KCTD16: variants seen among roughly 807,000 people sequenced by gnomAD.
The protein encoded by KCTD16 is BTB/POZ domain-containing protein KCTD16.
In KCTD16, 13 loss-of-function variants were observed where a neutral mutation model predicts 33.2. That is an observed-to-expected ratio of 0.39 (90% CI 0.25 to 0.62). The LOEUF (loss-of-function observed/expected upper bound fraction) is 0.62. Ranked by LOEUF, KCTD16 falls within the 20% of genes least tolerant of loss-of-function variation. The pLI, the probability that KCTD16 is intolerant of heterozygous loss-of-function variation, is 0.50. For synonymous variants in KCTD16, 197 were observed against 195.3 expected (o/e 1.01, Z -0.07); for missense variants, 441 against 525.1 (o/e 0.84, Z 1.57).
chr5:144,298,738 C>T (rs1432383061), intron 3 of KCTD16, among the ~76,000 whole-genome samples: 2 of 151,908 alleles, frequency 1.3e-5, no homozygotes, highest in African/African-American at 2.4e-5. Context: ...TTTTCAGATG[C>T]GACTGAGAAA....
chr5:144,271,102 C>T (rs1450026229), intron 3 of KCTD16, among the ~76,000 whole-genome samples: 2 of 151,924 alleles, frequency 1.3e-5, no homozygotes, highest in African/African-American at 2.4e-5. Flanking sequence ...AAAGAACAAA[C>T]GCCAGTTCTT....
intron 3 of KCTD16, among the ~76,000 whole-genome samples, chr5:144,277,417 T>G (rs1393947593): frequency 6.6e-6 from 1 of 152,168 alleles, no homozygotes; most frequent in South Asian, 2.1e-4. Flanking sequence ...CTAAGCTTAG[T>G]TAGAGAAAAG....
At chr5:144,341,977 A>G (rs2126899441) in intron 3 of KCTD16, among the ~76,000 whole-genome samples, 1 of 152,284 alleles carries the variant, frequency 6.6e-6, no homozygotes, top group South Asian at 2.1e-4. Context: ...TATTGCTTTC[A>G]CCTTATTTTC....
chr5:144,222,073 A>T (rs1370701952), intron 3 of KCTD16, among the ~76,000 whole-genome samples: 3 of 152,048 alleles, frequency 2.0e-5, no homozygotes, highest in African/African-American at 7.3e-5. Flanking sequence ...TTCTTTTGAG[A>T]AGTGTCTGTT....
chr5:144,225,552 TTGTGTGTGTGTGTG>T (rs10550980), intron 3 of KCTD16, among the ~76,000 whole-genome samples: 49 of 138,322 alleles, frequency 3.5e-4, no homozygotes, highest in South Asian at 3.1e-3. Flanking sequence ...CAAAAATAAA[TTGTGTGTGTGTGTG>T]TGTGTGTGTG....
chr5:144,358,194 A>G (rs1254380129), intron 3 of KCTD16, among the ~76,000 whole-genome samples: 1 of 145,926 alleles, frequency 6.9e-6, no homozygotes, highest in Non-Finnish European at 1.5e-5. Context: ...TTGGCCTCCC[A>G]AAGTGCTGGG....
chr5:144,438,806 T>C (rs1229884717), intron 3 of KCTD16, among the ~76,000 whole-genome samples: 1 of 152,150 alleles, frequency 6.6e-6, no homozygotes, highest in Non-Finnish European at 1.5e-5. Flanking sequence ...GGAAAATCAA[T>C]AGTCAAAGCT....
At chr5:144,446,292 A>G (rs1753816088) in intron 3 of KCTD16, among the ~76,000 whole-genome samples, 1 of 152,058 alleles carries the variant, frequency 6.6e-6, no homozygotes, top group Non-Finnish European at 1.5e-5. Context: ...TATGACAAAA[A>G]CAAGCAATGG....
chr5:144,429,957 G>A (rs1753421329), intron 3 of KCTD16, among the ~76,000 whole-genome samples: 1 of 152,018 alleles, frequency 6.6e-6, no homozygotes. Flanking sequence ...AGAAGAAAAT[G>A]GGCTGAGCAG....
intron 3 of KCTD16, among the ~76,000 whole-genome samples, chr5:144,288,468 A>G (rs959411797): frequency 1.3e-5 from 2 of 152,118 alleles, no homozygotes; most frequent in African/African-American, 4.8e-5. Context: ...CAGGAGTGCT[A>G]TCACCAATGG....
At chr5:144,324,238 G>A (rs1407192207) in intron 3 of KCTD16, among the ~76,000 whole-genome samples, 1 of 152,136 alleles carries the variant, frequency 6.6e-6, no homozygotes, top group Non-Finnish European at 1.5e-5. Context: ...TGAGCAGCCT[G>A]AGAGTCAATG....
intron 3 of KCTD16, among the ~76,000 whole-genome samples, chr5:144,410,462 A>G (rs1487518464): frequency 6.6e-6 from 1 of 152,220 alleles, no homozygotes; most frequent in East Asian, 1.9e-4. Flanking sequence ...TCTGAGGACT[A>G]CTTGCAGGGA....
chr5:144,481,673 T>C lies in KCTD16; in HGVS notation c.*7559T>C, dbSNP rs1000796888. On this transcript the variant is annotated 3_prime_UTR_variant, in exon 4 of 4. Coordinates refer to ENST00000512467, the MANE Select transcript of KCTD16 (RefSeq NM_020768.4). ...TTAAATCGGTCATTTATTTGTTTGT[T>C]TATGCATATATCCAGCAAATATTTG... 6 of 151,934 alleles carry C rather than the reference T, an allele frequency of 3.9e-5. No individual in the cohort carries two copies. The highest frequency in any genetic ancestry group is 1.4e-4 in the African/African-American group (6 of 41,398). 9.4% of individuals were successfully genotyped at this position (151,934 alleles called of 1,614,324 possible). A position where few individuals can be genotyped will look rare whatever the true frequency, so the allele number is the denominator to read the frequency against.
chr5:144,177,532 C>G lies in KCTD16; in HGVS notation c.-327+3060C>G, dbSNP rs79710725. Reference sequence around the variant, plus strand: ...AATCTGCTCCGTACCTCTTTTGCAGCTTCTGGTGCTTTGAAAGCAATCTTT... The same window carrying G: ...AATCTGCTCCGTACCTCTTTTGCAGGTTCTGGTGCTTTGAAAGCAATCTTT... On this transcript the variant is annotated intron_variant, in intron 2 of 3. Transcript: ENST00000512467. 1.7e-3 allele frequency among the ~76,000 whole-genome samples: 266 copies of G among 152,320 alleles called. 9 individuals carry two copies. In the East Asian group the frequency reaches 0.046, roughly 26 times the overall value.
chr5:144,374,857 C>G (rs1227295377), intron 3 of KCTD16, among the ~76,000 whole-genome samples: 1 of 152,108 alleles, frequency 6.6e-6, no homozygotes, highest in East Asian at 1.9e-4. Context: ...AAGTTTAGAA[C>G]TACAGGTTTG....
chr5:144,181,979 A>G (rs1291479432), intron 2 of KCTD16, among the ~76,000 whole-genome samples: 1 of 151,878 alleles, frequency 6.6e-6, no homozygotes, highest in Admixed American at 6.6e-5. Context: ...CTGTAATTCC[A>G]GCTACTTGGG....
At chr5:144,179,451 C>T (rs1380699209) in intron 2 of KCTD16, among the ~76,000 whole-genome samples, 3 of 152,206 alleles carry the variant, frequency 2.0e-5, no homozygotes, top group Admixed American at 1.3e-4. Flanking sequence ...CACTATGTAT[C>T]CCTGCATGCG....
intron 3 of KCTD16, among the ~76,000 whole-genome samples, chr5:144,401,693 C>T (rs187626527): frequency 2.6e-5 from 4 of 152,338 alleles, no homozygotes; most frequent in Admixed American, 2.0e-4. Context: ...CCCATCTATT[C>T]ATCCAATTAC....
At chr5:144,223,311 A>C (rs1246108019) in intron 3 of KCTD16, among the ~76,000 whole-genome samples, 1 of 152,094 alleles carries the variant, frequency 6.6e-6, no homozygotes. Flanking sequence ...TATATGTATA[A>C]AAAAGTAGAT....
Sources: allele counts gnomAD v4.1 joint callset (sites outside exome capture counted in the v4.1 genomes callset), GRCh38; gene constraint gnomAD v4.1.1; transcripts MANE v1.5; gene names NCBI Gene and HGNC (gene_info 2026-07-23, HGNC 2026-07-21).